PRKN: variants seen among roughly 807,000 people sequenced by gnomAD.
The protein encoded by PRKN is parkin RBR E3 ubiquitin protein ligase, also known as E3 ubiquitin-protein ligase parkin.
Under a neutral mutation model 59.5 loss-of-function variants are expected in PRKN, and 56 were observed. That is an observed-to-expected ratio of 0.94 (90% confidence interval 0.76 to 1.18). The LOEUF (loss-of-function observed/expected upper bound fraction) is 1.18. Among genes scored for constraint, PRKN ranks in the 50% most tolerant of loss-of-function variants. The pLI, the probability that PRKN is intolerant of heterozygous loss-of-function variation, is 0.00. For synonymous variants in PRKN, 250 were observed against 222.1 expected, an observed-to-expected ratio of 1.13 and a Z score of -1.12; for missense variants, 657 against 596.4, an observed-to-expected ratio of 1.10 and a Z score of -1.06.
rs1224970474 is a variant in PRKN, at chr6:161,413,411, G to A, written c.1084-26534C>T. 1.3e-5 allele frequency among the ~76,000 whole-genome samples: 2 copies of A among 152,168 alleles called. No homozygotes were observed. The highest frequency in any genetic ancestry group is 2.9e-5 in the Non-Finnish European group (2 of 68,022). On this transcript the variant is annotated intron_variant, in intron 9 of 11. Transcript: ENST00000366898. The surrounding 1 kb of genome is among the most constrained non-coding windows in gnomAD (Gnocchi z 4.4). Reference sequence around the variant, plus strand: ...AAGGGAATGACAGCTGCAGCAGGTCGCCAGTGCATCAACACAGAGTAACCG... The same window carrying A: ...AAGGGAATGACAGCTGCAGCAGGTCACCAGTGCATCAACACAGAGTAACCG...
chr6:161,962,916 C>T (rs1452761651), intron 6 of PRKN, among the ~76,000 whole-genome samples: 4 of 151,692 alleles, frequency 2.6e-5, no homozygotes, highest in Non-Finnish European at 5.9e-5. Flanking sequence ...AGGCTGAGGC[C>T]GGTGGATCAC....
At chr6:161,728,218 A>C (rs1266301692) in intron 7 of PRKN, among the ~76,000 whole-genome samples, 1 of 150,518 alleles carries the variant, frequency 6.6e-6, no homozygotes, top group Non-Finnish European at 1.5e-5. Context: ...TAGGAGAATG[A>C]TTGTTTTTCT....
Position 161,445,134 on chromosome 6 carries a change from C to T in PRKN, c.1084-58257G>A, listed in dbSNP as rs1789424832. Among the ~76,000 whole-genome samples, 1 of 152,142 alleles carries T rather than the reference C, an allele frequency of 6.6e-6. No individual in the cohort carries two copies. The highest frequency in any genetic ancestry group is 1.5e-5 in the Non-Finnish European group (1 of 68,032). On this transcript the variant is annotated intron_variant, in intron 9 of 11. Coordinates refer to ENST00000366898, the MANE Select transcript of PRKN (RefSeq NM_004562.3). The surrounding 1 kb of genome is among the most constrained non-coding windows in gnomAD (Gnocchi z 7.7). ...CCATAATTCTTGAACTTGACGTGCT[C>T]AGCCTCTCCAAAGCCGCGGCGCTGA...
At chr6:161,756,456 A>C (rs1363062573) in intron 7 of PRKN, among the ~76,000 whole-genome samples, 2 of 151,256 alleles carry the variant, frequency 1.3e-5, no homozygotes, top group African/African-American at 4.9e-5. Context: ...AAAAAAAAAA[A>C]AAAAAAAAAA....
In PRKN at chr6:161,753,404, T is replaced by C. The variant is rs574147393; in HGVS notation, c.871+32368A>G. On this transcript the variant is annotated intron_variant, in intron 7 of 11. Transcript: ENST00000366898. ...TATCCAGTGGAATATCCCAGTGGGA[T>C]GGAGGGGAAAAAAGCCAGGTTGGAA... is the stretch of plus-strand genomic sequence containing the variant. 1.6e-4 allele frequency among the ~76,000 whole-genome samples: 24 copies of C among 152,074 alleles called. No individual in the cohort carries two copies. In the East Asian group the frequency reaches 4.5e-3, roughly 28 times the overall value.
chr6:162,549,845 G>A (rs1779265824), intron 1 of PRKN, among the ~76,000 whole-genome samples: 1 of 152,022 alleles, frequency 6.6e-6, no homozygotes, highest in South Asian at 2.1e-4. Context: ...CACCACGTTG[G>A]CCAGGCTGTC....
In PRKN at chr6:162,405,964, T is replaced by C. The variant is rs74443430; in HGVS notation, c.171+37346A>G. Among the ~76,000 whole-genome samples the C allele has an allele frequency of 7.9e-3, 1,196 of 152,188 alleles. 23 individuals carry two copies. The highest frequency in any genetic ancestry group is 0.028 in the African/African-American group (1,148 of 41,516). ...AACTACAAAGCAACAAATAAAAAGATGGCAACAACAAGCAAGCAATGGAAT... is the reference window on the plus strand; with the variant it reads ...AACTACAAAGCAACAAATAAAAAGACGGCAACAACAAGCAAGCAATGGAAT... On this transcript the variant is annotated intron_variant, in intron 2 of 11. Coordinates refer to ENST00000366898, the MANE Select transcript of PRKN (RefSeq NM_004562.3).
intron 3 of PRKN, among the ~76,000 whole-genome samples, chr6:162,215,681 A>G (rs1777615860): frequency 6.6e-6 from 1 of 152,106 alleles, no homozygotes; most frequent in Non-Finnish European, 1.5e-5. Context: ...TGTTTATTCT[A>G]TCTAATTGGC....
chr6:162,620,606 C>G (rs903522382), intron 1 of PRKN, among the ~76,000 whole-genome samples: 18 of 152,144 alleles, frequency 1.2e-4, no homozygotes, highest in African/African-American at 4.3e-4. Context: ...CCTTTTAGTT[C>G]TCCATTTAGT....
Position 161,581,981 on chromosome 6 carries a change from A to G in PRKN, c.872-12565T>C, listed in dbSNP as rs1189632232. On this transcript the variant is annotated intron_variant, in intron 7 of 11. Transcript: ENST00000366898. This position sits in a 1 kb window ranked among gnomAD's most constrained non-coding sequence, Gnocchi z 4.5. Reference sequence around the variant, plus strand: ...TTTGAACATATCCACTCTCTTGTCTATTTTACATTATAACACCTCCAGATC... The same window carrying G: ...TTTGAACATATCCACTCTCTTGTCTGTTTTACATTATAACACCTCCAGATC... Among the ~76,000 whole-genome samples the G allele has an allele frequency of 1.3e-5, 2 of 152,086 alleles. No homozygotes were observed. Among genetic ancestry groups the G allele is most frequent in the Admixed American group, 6.5e-5 (1 of 15,270 alleles).
At chr6:161,411,877 T>A (rs1015601589) in intron 9 of PRKN, among the ~76,000 whole-genome samples, 5 of 142,086 alleles carry the variant, frequency 3.5e-5, no homozygotes, top group Non-Finnish European at 7.6e-5. Context: ...TCCTTCTTCA[T>A]TCATTCCTTC....
At chr6:162,127,763 G>C (rs1781179383) in intron 4 of PRKN, among the ~76,000 whole-genome samples, 1 of 152,156 alleles carries the variant, frequency 6.6e-6, no homozygotes, top group Non-Finnish European at 1.5e-5. Context: ...AGAATCCTTT[G>C]ATTGTTCCAT....
At chr6:162,057,489 C>T (rs1222254555) in intron 4 of PRKN, among the ~76,000 whole-genome samples, 3 of 151,964 alleles carry the variant, frequency 2.0e-5, no homozygotes, top group Admixed American at 6.6e-5. Flanking sequence ...TATATTCACT[C>T]GATAAAAGTT....
chr6:161,413,191 C>G lies in PRKN; in HGVS notation c.1084-26314G>C, dbSNP rs1413946763. ...AATGTGCATTTAGGGTCGTGGGACCCCTTCCCATTTATTTGTGGAAACCCA... is the reference window on the plus strand; with the variant it reads ...AATGTGCATTTAGGGTCGTGGGACCGCTTCCCATTTATTTGTGGAAACCCA... On this transcript the variant is annotated intron_variant, in intron 9 of 11. Coordinates refer to ENST00000366898, the MANE Select transcript of PRKN (RefSeq NM_004562.3). The surrounding 1 kb of genome is among the most constrained non-coding windows in gnomAD (Gnocchi z 4.4). Among the ~76,000 whole-genome samples, 1 of 152,150 alleles carries G rather than the reference C, an allele frequency of 6.6e-6. No individual in the cohort carries two copies. The highest frequency in any genetic ancestry group is 1.5e-5 in the Non-Finnish European group (1 of 68,032).
chr6:161,509,745 T>A (rs961689489), intron 9 of PRKN, among the ~76,000 whole-genome samples: 2 of 151,768 alleles, frequency 1.3e-5, no homozygotes, highest in African/African-American at 4.8e-5. Flanking sequence ...CTGTGTGTGG[T>A]GGTGCGCGCC....
At chr6:161,597,800 G>T (rs573874364) in intron 7 of PRKN, among the ~76,000 whole-genome samples, 2 of 152,118 alleles carry the variant, frequency 1.3e-5, no homozygotes, top group Admixed American at 6.5e-5. Context: ...GATGTTCTGT[G>T]AGTAAATAAA....
chr6:161,370,566 T>A (rs1367108270), intron 10 of PRKN, among the ~76,000 whole-genome samples: 1 of 118,798 alleles, frequency 8.4e-6, no homozygotes, highest in Non-Finnish European at 1.6e-5. Flanking sequence ...CACTCCAGCC[T>A]GGGCGACAGA....
intron 1 of PRKN, among the ~76,000 whole-genome samples, chr6:162,600,866 T>C (rs774890375): frequency 4.8e-4 from 73 of 152,330 alleles, no homozygotes; most frequent in Non-Finnish European, 6.9e-4. Flanking sequence ...GAGAAGCCTC[T>C]ATGCTTCCTG....
chr6:162,132,585 C>A (rs1452058233), intron 4 of PRKN, among the ~76,000 whole-genome samples: 1 of 152,018 alleles, frequency 6.6e-6, no homozygotes, highest in East Asian at 1.9e-4. Flanking sequence ...GGAATAATAA[C>A]GACGTTGTAA....
Sources: gnomAD v4.1 joint callset for allele counts (sites outside exome capture counted in the v4.1 genomes callset) on GRCh38, gnomAD v4.1.1 for gene constraint, Gnocchi (gnomAD v3.1) non-coding constraint, MANE v1.5 for transcripts, NCBI Gene and HGNC (gene_info 2026-07-23, HGNC 2026-07-21) for gene names.